The following NAV2 variants were observed in gnomAD, a reference collection of about 807,000 sequenced individuals.
NAV2 encodes the protein neuron navigator 2.
Under a neutral mutation model 223.2 loss-of-function variants are expected in NAV2, and 54 were observed. The ratio of observed to expected loss-of-function variants is 0.24; its 90% CI spans 0.19 to 0.30. The LOEUF is 0.30. NAV2 is among the 10% of genes least tolerant of loss of function. The probability of loss-of-function intolerance (pLI) is 1.00; values close to 1 mark genes in which losing one functional copy is unlikely to be tolerated. For missense variants in NAV2, 2,806 were observed against 3,147.5 expected, an observed-to-expected ratio of 0.89 and a Z score of 2.60; for synonymous variants, 1,279 against 1,239.3, an observed-to-expected ratio of 1.03 and a Z score of -0.67.
chr11:19,820,268 G>A (rs1319600768), intron 1 of NAV2, among the ~76,000 whole-genome samples: 2 of 152,250 alleles, frequency 1.3e-5, no homozygotes, highest in Non-Finnish European at 2.9e-5. Context: ...AAGCCTTTCT[G>A]CAAGGGCCTG....
chr11:19,468,194 A>G (rs1183519988), intron 1 of NAV2, among the ~76,000 whole-genome samples: 2 of 152,224 alleles, frequency 1.3e-5, no homozygotes, highest in Admixed American at 6.5e-5. Flanking sequence ...AAGTTAGTCA[A>G]TGCACTTGAA....
intron 6 of NAV2, among the ~76,000 whole-genome samples, chr11:19,894,769 T>C (rs1339263331): frequency 6.6e-6 from 1 of 152,236 alleles, no homozygotes. Flanking sequence ...TTGCTCTTGT[T>C]GCCCAGGCTA....
intron 1 of NAV2, among the ~76,000 whole-genome samples, chr11:19,377,299 G>A (rs1172906133): frequency 1.3e-5 from 2 of 152,200 alleles, no homozygotes; most frequent in Non-Finnish European, 2.9e-5. Context: ...TACTTGCTAT[G>A]GGGGCTGGCC....
intron 1 of NAV2, among the ~76,000 whole-genome samples, chr11:19,663,039 C>G (rs1167916681): frequency 6.6e-6 from 1 of 152,054 alleles, no homozygotes; most frequent in African/African-American, 2.4e-5. Context: ...CCCTGAGATC[C>G]CACACTTTTC....
intron 10 of NAV2, among the ~76,000 whole-genome samples, chr11:19,974,809 G>C (rs2049568470): frequency 6.6e-6 from 1 of 152,182 alleles, no homozygotes; most frequent in Non-Finnish European, 1.5e-5. Flanking sequence ...GGGGGGAAGA[G>C]GGGATATAAA....
chr11:19,376,288 AAAAC>A (rs1410207679), intron 1 of NAV2, among the ~76,000 whole-genome samples: 2 of 152,244 alleles, frequency 1.3e-5, no homozygotes, highest in Non-Finnish European at 2.9e-5. Flanking sequence ...AACAAACAAA[AAAAC>A]AATTGCTGGT....
chr11:19,750,332 CT>C (rs1406802281), intron 1 of NAV2, among the ~76,000 whole-genome samples: 8 of 152,172 alleles, frequency 5.3e-5, no homozygotes, highest in Admixed American at 5.2e-4. Context: ...AGTCCCAAAC[CT>C]TCTCACTTAT....
At chr11:19,822,405 A>G (rs1311293245) in intron 1 of NAV2, among the ~76,000 whole-genome samples, 1 of 152,234 alleles carries the variant, frequency 6.6e-6, no homozygotes. Context: ...CCCCCTGCAC[A>G]GGTAGATGCT....
At chr11:20,091,958 C>T (rs1489962572) in intron 27 of NAV2, among the ~76,000 whole-genome samples, 1 of 152,134 alleles carries the variant, frequency 6.6e-6, no homozygotes, top group East Asian at 1.9e-4. Flanking sequence ...CCTCAAGCAG[C>T]AGACTCTGGG....
At chr11:19,861,637 G>A (rs2061798120) in intron 3 of NAV2, among the ~76,000 whole-genome samples, 1 of 152,188 alleles carries the variant, frequency 6.6e-6, no homozygotes, top group African/African-American at 2.4e-5. Flanking sequence ...AACAAGATTT[G>A]AATCCAGACT....
intron 1 of NAV2, among the ~76,000 whole-genome samples, chr11:19,645,605 G>A (rs1214824705): frequency 1.3e-5 from 2 of 152,012 alleles, no homozygotes; most frequent in Non-Finnish European, 2.9e-5. Context: ...GTTAGGAAAG[G>A]GATATCAACA....
chr11:19,610,030 G>C (rs905741354), intron 1 of NAV2, among the ~76,000 whole-genome samples: 6 of 152,222 alleles, frequency 3.9e-5, no homozygotes, highest in Non-Finnish European at 8.8e-5. Context: ...CTCTCCATCA[G>C]ATGCCCAAAA....
At position 19,482,127 on chromosome 11, in the gene NAV2, G is replaced by T. The variant is rs1307853138; in HGVS notation, c.75+131100G>T. Among the ~76,000 whole-genome samples, 4 of 152,150 alleles carry T rather than the reference G, an allele frequency of 2.6e-5. No homozygotes were observed. The South Asian group carries it at 6.2e-4, about 24-fold the overall frequency. Reference sequence around the variant, plus strand: ...AAAGTCTGCTGTGGGTAAGCATTATGCCCAGAACTTTACATTTAATATAAT... The same window carrying T: ...AAAGTCTGCTGTGGGTAAGCATTATTCCCAGAACTTTACATTTAATATAAT... On this transcript the variant is annotated intron_variant, in intron 1 of 37. Transcript: ENST00000360655.
intron 3 of NAV2, among the ~76,000 whole-genome samples, chr11:19,867,242 C>T (rs2062152969): frequency 1.3e-5 from 2 of 152,142 alleles, no homozygotes; most frequent in South Asian, 2.1e-4. Context: ...GTTTACTTTC[C>T]CCTCCCTCAT....
intron 7 of NAV2, among the ~76,000 whole-genome samples, chr11:19,936,149 A>G (rs940202575): frequency 2.6e-5 from 4 of 151,762 alleles, no homozygotes; most frequent in Admixed American, 1.3e-4. Flanking sequence ...GATTACAGGC[A>G]TGAGCCACCG....
At chr11:19,777,559 A>G in intron 1 of NAV2, 1 of 454,560 alleles carries the variant, frequency 2.2e-6, no homozygotes, top group South Asian at 1.6e-5. Context: ...GCGCTGCTCT[A>G]CTTTTTAACC....
At chr11:20,107,560 C>T (rs534247631) in intron 35 of NAV2, 104 bp from the exon 36 acceptor site, 27 of 851,604 alleles carry the variant, frequency 3.2e-5, no homozygotes, top group African/African-American at 1.5e-4. Flanking sequence ...TCCCTCAGAA[C>T]GTCTAGGGTC....
At chr11:20,032,538 C>T (rs991725703) in intron 11 of NAV2, among the ~76,000 whole-genome samples, 1 of 152,230 alleles carries the variant, frequency 6.6e-6, no homozygotes, top group African/African-American at 2.4e-5. Context: ...CCACCATTCC[C>T]CTTTCTTCTT....
At chr11:19,627,024 C>T (rs1002690532) in intron 1 of NAV2, among the ~76,000 whole-genome samples, 1 of 152,094 alleles carries the variant, frequency 6.6e-6, no homozygotes, top group Non-Finnish European at 1.5e-5. Flanking sequence ...CATAGTTTAC[C>T]CTCAGGTGCT....
Sources: allele counts gnomAD v4.1 joint callset (sites outside exome capture counted in the v4.1 genomes callset), GRCh38; gene constraint gnomAD v4.1.1; transcripts MANE v1.5; gene names NCBI Gene and HGNC (gene_info 2026-07-23, HGNC 2026-07-21).